The following PLEKHH1 variants were observed in gnomAD, a reference collection of about 807,000 sequenced individuals.
PLEKHH1 encodes the protein pleckstrin homology, MyTH4 and FERM domain containing H1.
A neutral mutation model predicts 160.0 loss-of-function variants in PLEKHH1; 104 were observed. The observed-to-expected ratio is 0.65, with a 90% confidence interval of 0.55 to 0.76. The LOEUF (loss-of-function observed/expected upper bound fraction) is 0.76, where lower values mean the gene tolerates loss of function less well. Ranked by LOEUF, PLEKHH1 falls within the 30% of genes least tolerant of loss-of-function variation. The pLI is 0.00. For missense variants in PLEKHH1, 1,427 were observed against 1,724.1 expected (o/e 0.83, Z 3.05); for synonymous variants, 619 against 678.4 (o/e 0.91, Z 1.36).
chr14:67,572,162 A>G lies in PLEKHH1; in HGVS notation c.1613A>G (p.Glu538Gly), dbSNP rs1222793398. The G allele has an allele frequency of 1.2e-6, 2 of 1,607,726 alleles. No individual in the cohort carries two copies. The highest frequency in any genetic ancestry group is 8.5e-7 in the Non-Finnish European group (1 of 1,177,382). The change falls in exon 11 of 29, where the codon GAG (glutamate) becomes GGG (glycine). Residue 538 changes from glutamate to glycine, a missense_variant. Physicochemically the swap from Glu to Gly is moderately conservative, Grantham distance 98. Transcript: ENST00000329153. ...GTCTCCATGTCCTCACTGAGCTCCGAGGGTGACTACGCCATCCCCCCGGAC... is the reference window on the plus strand; with the variant it reads ...GTCTCCATGTCCTCACTGAGCTCCGGGGGTGACTACGCCATCCCCCCGGAC... ...RGVSMSSLSS[E>G]GDYAIPPDAC...
At position 67,574,455 on chromosome 14, in the gene PLEKHH1, G is replaced by A. The variant is rs1207333698; in HGVS notation, c.2088+52G>A. On this transcript the variant is annotated intron_variant, in intron 14 of 28. Coordinates refer to ENST00000329153, the MANE Select transcript of PLEKHH1 (RefSeq NM_020715.3). The surrounding 1 kb of genome is among the most constrained non-coding windows in gnomAD (Gnocchi z 4.2). ...AACATGTGCCTCCTGCGAATCAGGG[G>A]AGCCAGGATTGGGGTGCCGAGGGTG... 2.1e-6 allele frequency: 3 copies of A among 1,395,428 alleles called. No homozygotes were observed. The highest frequency in any genetic ancestry group is 2.8e-6 in the Non-Finnish European group (3 of 1,059,176). The allele number at this position is 1,395,428 out of a possible 1,614,324, so 86.4% of individuals were successfully genotyped here.
chr14:67,549,970 G>C (rs918291060), intron 2 of PLEKHH1, among the ~76,000 whole-genome samples: 1 of 151,966 alleles, frequency 6.6e-6, no homozygotes, highest in African/African-American at 2.4e-5. Flanking sequence ...CCTTACCCCG[G>C]GCCCCATTCA....
chr14:67,587,218 G>A lies in PLEKHH1; in HGVS notation c.4078G>A (p.Gly1360Arg), dbSNP rs767048669. The change falls in exon 29 of 29, where the codon GGG (glycine) becomes AGG (arginine). Residue 1360 changes from glycine to arginine, a missense_variant. Transcript: ENST00000329153. Reference sequence around the variant, plus strand: ...TTCTTCTGTTTCCTGTGCTACCAAGGGGCCAACGTTGCTGTGAATATTTCT... The same window carrying A: ...TTCTTCTGTTTCCTGTGCTACCAAGAGGCCAACGTTGCTGTGAATATTTCT... Reference protein sequence around the residue: ...FFSSVSCATKGPTLL With the variant: ...FFSSVSCATKRPTLL 6.8e-6 allele frequency: 11 copies of A among 1,613,806 alleles called. No individual in the cohort carries two copies. In the South Asian group the frequency reaches 1.2e-4, roughly 18 times the overall value.
chr14:67,541,046 G>A (rs2033945721), intron 1 of PLEKHH1, among the ~76,000 whole-genome samples: 1 of 152,166 alleles, frequency 6.6e-6, no homozygotes, highest in Non-Finnish European at 1.5e-5. Context: ...ATATCTAGCA[G>A]TTTTCTGGTT....
At chr14:67,552,496 G>A (rs1012273208) in intron 2 of PLEKHH1, among the ~76,000 whole-genome samples, 5 of 152,216 alleles carry the variant, frequency 3.3e-5, no homozygotes, top group Admixed American at 6.5e-5. Context: ...GGCTGGGTGC[G>A]GTGGCTCACG....
Position 67,571,640 on chromosome 14 carries a change from C to T in PLEKHH1, c.1435-112C>T, listed in dbSNP as rs959746020. ...CTGGACAGTTGTCTGTTCAGAGTCC[C>T]GGCTGGGGGTTGGCCACACCATGGG... On this transcript the variant is annotated intron_variant, in intron 9 of 28. Coordinates refer to ENST00000329153, the MANE Select transcript of PLEKHH1 (RefSeq NM_020715.3). The T allele has an allele frequency of 2.5e-5, 26 of 1,041,314 alleles. No individual in the cohort carries two copies. The Admixed American group carries it at 3.3e-4, about 13-fold the overall frequency. 64.5% of individuals were successfully genotyped at this position (1,041,314 alleles called of 1,614,324 possible). A position where few individuals can be genotyped will look rare whatever the true frequency, so the allele number is the denominator to read the frequency against.
chr14:67,559,943 A>C (rs1183218393), intron 5 of PLEKHH1, among the ~76,000 whole-genome samples: 1 of 152,142 alleles, frequency 6.6e-6, no homozygotes, highest in East Asian at 1.9e-4. Context: ...AATGTGTCTC[A>C]CTTCTGAAAA....
chr14:67,584,872 T>C (rs1034142143), intron 26 of PLEKHH1, among the ~76,000 whole-genome samples: 2 of 152,224 alleles, frequency 1.3e-5, no homozygotes, highest in Non-Finnish European at 2.9e-5. Context: ...GCTATGAAGA[T>C]GTACAGAGGT....
chr14:67,585,573 C>G lies in PLEKHH1; in HGVS notation c.3705C>G (p.Ala1235=). The part of the protein sequence containing the change: ...FGAKLFAAQP[A]QLSSKENALV... Reference sequence around the variant, plus strand: ...GGTTGTTTCTGTTTCCCCAGCCTGCCCAGCTGTCTTCCAAGGAGAACGCTC... The same window carrying G: ...GGTTGTTTCTGTTTCCCCAGCCTGCGCAGCTGTCTTCCAAGGAGAACGCTC... The change falls in exon 27 of 29, where the codon GCC becomes GCG. Residue 1235 remains alanine (A), a synonymous_variant. Transcript: ENST00000329153. The G allele has an allele frequency of 6.3e-7, 1 of 1,577,820 alleles. No homozygotes were observed. Among genetic ancestry groups the G allele is most frequent in the Non-Finnish European group, 8.6e-7 (1 of 1,160,304 alleles).
At chr14:67,539,166 A>G (rs1199473633) in intron 1 of PLEKHH1, among the ~76,000 whole-genome samples, 1 of 152,222 alleles carries the variant, frequency 6.6e-6, no homozygotes, top group Non-Finnish European at 1.5e-5. Context: ...GCAAAATCCC[A>G]GTAAAGGACA....
In PLEKHH1 at chr14:67,548,860, A is replaced by G. The variant is rs1176141969; in HGVS notation, c.126+6867A>G. Among the ~76,000 whole-genome samples, 5 of 152,244 alleles carry G rather than the reference A, an allele frequency of 3.3e-5. No homozygotes were observed. In the East Asian group the frequency reaches 7.7e-4, roughly 23 times the overall value. On this transcript the variant is annotated intron_variant, in intron 2 of 28. Transcript: ENST00000329153. The stretch of plus-strand genomic sequence containing the variant: ...GTTTCACCAGCCAAGGTTTTGGAGT[A>G]TAACTCAGTTTTTGATCTACCTACC...
chr14:67,586,385 C>T (rs1049224769), intron 28 of PLEKHH1: 6 of 1,371,380 alleles, frequency 4.4e-6, no homozygotes, highest in African/African-American at 2.9e-5. Flanking sequence ...ATCATGCAGT[C>T]CTCAGTTGGG....
In PLEKHH1 at chr14:67,562,544, G is replaced by A. The variant is rs1375683288; in HGVS notation, c.913G>A (p.Gly305Ser). The change falls in exon 7 of 29, where the codon GGT becomes AGT. Residue 305 changes from glycine (G) to serine (S), a missense_variant. Physicochemically the swap from Gly to Ser is moderately conservative, Grantham distance 56 (BLOSUM62 0). Around this residue, in one of 6 missense-constraint regions of PLEKHH1, gnomAD observed 831 missense variants for 929.2 expected, o/e 0.89. Transcript: ENST00000329153. ...GACAAAGACCTCTGCCAGGGAAGGT[G>A]GTCCTGGCAGCAGTCTGACCCTACC... Reference protein sequence around the residue: ...PGTKTSAREGGPGSSLTLPKV... With the variant: ...PGTKTSAREGSPGSSLTLPKV... 2 of 1,608,984 alleles carry A rather than the reference G, an allele frequency of 1.2e-6. No individual in the cohort carries two copies. The highest frequency in any genetic ancestry group is 1.7e-6 in the Non-Finnish European group (2 of 1,175,870).
At chr14:67,585,877 G>C in intron 27 of PLEKHH1, 74 bp from the exon 28 acceptor site, 1 of 1,471,508 alleles carries the variant, frequency 6.8e-7, no homozygotes, top group Admixed American at 1.9e-5. Flanking sequence ...GCCTAGAAGA[G>C]ACAGGGGATG....
At chr14:67,583,625 A>T in intron 24 of PLEKHH1, 116 bp from the exon 25 acceptor site, 2 of 704,846 alleles carry the variant, frequency 2.8e-6, no homozygotes, top group Non-Finnish European at 4.5e-6. Context: ...TTTCACAACC[A>T]CTCGCACCCC....
At position 67,572,083 on chromosome 14, in the gene PLEKHH1, G is replaced by A. The variant is rs1420747426; in HGVS notation, c.1586-52G>A. The A allele has an allele frequency of 2.4e-5, 37 of 1,566,968 alleles. No homozygotes were observed. The Admixed American group carries it at 3.7e-4, about 15-fold the overall frequency. ...CAAGTCTCAGCAGCTCCTGGGCTGC[G>A]TGAGTCGGGGAGGTGTGGGACCCGG... On this transcript the variant is annotated intron_variant, in intron 10 of 28. Transcript: ENST00000329153.
chr14:67,566,770 G>A (rs2035115871), intron 7 of PLEKHH1, among the ~76,000 whole-genome samples: 1 of 151,618 alleles, frequency 6.6e-6, no homozygotes, highest in Non-Finnish European at 1.5e-5. Context: ...AAAAAAGAGT[G>A]GGTCTTCTCT....
Position 67,562,196 on chromosome 14 carries a change from G to A in PLEKHH1, c.565G>A (p.Asp189Asn), listed in dbSNP as rs770933989. 5.6e-6 allele frequency: 9 copies of A among 1,611,674 alleles called. No homozygotes were observed. The East Asian group carries it at 1.1e-4, about 20-fold the overall frequency. Residue 189 changes from aspartate to asparagine, a missense_variant, in exon 7 of 29, where the codon GAT becomes AAT. Asp to Asn is a conservative substitution (Grantham distance 23). Around this residue, in one of 6 missense-constraint regions of PLEKHH1, gnomAD observed 831 missense variants for 929.2 expected, o/e 0.89. Transcript: ENST00000329153. The stretch of plus-strand genomic sequence containing the variant: ...GCCCCCCTACGGAGCTGCAGAGCAG[G>A]ATTCTGTCCCTTCAGAGCCGGGAAT... ...LVPPYGAAEQ[D>N]SVPSEPGIQP... is the part of the protein sequence containing the mutation.
intron 15 of PLEKHH1, 49 bp downstream of exon 15, chr14:67,575,521 C>A: frequency 1.7e-6 from 2 of 1,149,822 alleles, no homozygotes; most frequent in Non-Finnish European, 2.6e-6. Flanking sequence ...TCCCCCGAAG[C>A]ACATGACTGC....
Sources: allele counts gnomAD v4.1 joint callset (sites outside exome capture counted in the v4.1 genomes callset), GRCh38; gene constraint gnomAD v4.1.1; regional missense constraint gnomAD v4.1.1; non-coding constraint Gnocchi (gnomAD v3.1); transcripts MANE v1.5; gene names NCBI Gene and HGNC (gene_info 2026-07-23, HGNC 2026-07-21).